Variants in BCAS3 observed in about 807,000 individuals in gnomAD.
BCAS3 encodes BCAS3 microtubule associated cell migration factor, also known as BCAS4/BCAS3 fusion.
A neutral mutation model predicts 116.1 loss-of-function variants in BCAS3; 53 were observed. That is an observed-to-expected ratio of 0.46 (90% confidence interval 0.37 to 0.57). BCAS3 has a LOEUF of 0.57. Among genes scored for constraint, BCAS3 ranks in the 20% least tolerant of loss-of-function variants. The pLI is 0.00. For synonymous variants in BCAS3, 391 were observed against 408.2 expected (o/e 0.96, Z 0.51); for missense variants, 917 against 1,165.4 (o/e 0.79, Z 3.10).
At chr17:60,848,823 T>G (rs7217510) in intron 7 of BCAS3, among the ~76,000 whole-genome samples, 1 of 150,882 alleles carries the variant, frequency 6.6e-6, no homozygotes, top group East Asian at 1.9e-4. Context: ...TTCAGCCCCC[T>G]GAAGTAGCTG....
At chr17:60,757,214 G>T (rs1355309980) in intron 6 of BCAS3, among the ~76,000 whole-genome samples, 1 of 151,688 alleles carries the variant, frequency 6.6e-6, no homozygotes, top group Non-Finnish European at 1.5e-5. Context: ...CACTTGGGGG[G>T]CTGAGGCAGG....
chr17:60,827,626 G>C (rs1026209724), intron 7 of BCAS3, among the ~76,000 whole-genome samples: 4 of 152,190 alleles, frequency 2.6e-5, no homozygotes, highest in Non-Finnish European at 5.9e-5. Flanking sequence ...TGTACAGTTT[G>C]ATAAATTTTG....
chr17:60,733,297 A>G (rs1209675972), intron 5 of BCAS3, among the ~76,000 whole-genome samples: 1 of 152,174 alleles, frequency 6.6e-6, no homozygotes, highest in Non-Finnish European at 1.5e-5. Flanking sequence ...TTTGTAACAG[A>G]TGATCTGGTG....
At position 61,368,431 on chromosome 17, in the gene BCAS3, C is replaced by A. The variant is rs757111288; in HGVS notation, c.2530C>A (p.Arg844=). Residue 844 remains arginine, a synonymous_variant, in exon 23 of 24, where the codon CGG becomes AGG. Coordinates refer to ENST00000407086, the MANE Select transcript of BCAS3 (RefSeq NM_017679.5). The surrounding 1 kb of genome is among the most constrained non-coding windows in gnomAD (Gnocchi z 6.0). ...SSMEHTEEGL[R]ERLADAMAES... is the part of the protein sequence containing the mutation. ...CATGGAGCACACGGAGGAGGGCCTC[C>A]GGGAGCGACTTGCCGACGCCATGGC... The A allele has an allele frequency of 1.2e-6, 2 of 1,612,524 alleles. No homozygotes were observed. The highest frequency in any genetic ancestry group is 1.1e-5 in the South Asian group (1 of 91,040).
At chr17:60,788,236 CAG>C (rs1234043755) in intron 6 of BCAS3, among the ~76,000 whole-genome samples, 1 of 152,070 alleles carries the variant, frequency 6.6e-6, no homozygotes, top group African/African-American at 2.4e-5. Context: ...GTAAGGGTAA[CAG>C]AAAAGAATTC....
chr17:60,728,446 A>G (rs570155940), intron 5 of BCAS3, among the ~76,000 whole-genome samples: 11 of 152,110 alleles, frequency 7.2e-5, no homozygotes, highest in South Asian at 4.2e-4. Context: ...GAATACCACA[A>G]TTTGTTTATG....
chr17:61,160,669 A>G (rs968709747), intron 22 of BCAS3, among the ~76,000 whole-genome samples: 4 of 152,160 alleles, frequency 2.6e-5, no homozygotes, highest in Non-Finnish European at 5.9e-5. Flanking sequence ...CTTTTTTACC[A>G]TCTATGCCTC....
intron 4 of BCAS3, among the ~76,000 whole-genome samples, chr17:60,704,837 C>A (rs1296706481): frequency 7.0e-6 from 1 of 142,382 alleles, no homozygotes; most frequent in African/African-American, 2.6e-5. Flanking sequence ...GACTCAGTCT[C>A]AAAAAAAAAA....
chr17:60,823,025 A>G (rs1219230965), intron 7 of BCAS3, among the ~76,000 whole-genome samples: 3 of 152,112 alleles, frequency 2.0e-5, no homozygotes, highest in Non-Finnish European at 4.4e-5. Flanking sequence ...AACCCATCTA[A>G]TTCACAAAAT....
At position 61,081,695 on chromosome 17, in the gene BCAS3, C is replaced by T. The variant is rs148142690; in HGVS notation, c.2328-2772C>T. 6.6e-3 allele frequency among the ~76,000 whole-genome samples: 998 copies of T among 152,252 alleles called. 5 individuals are homozygous for T. The highest frequency in any genetic ancestry group is 9.2e-3 in the Non-Finnish European group (624 of 68,010). ...TTTTATGGGAAATATAGATTTTATTCACATCAATTTTAAGTCCTTTTTAGT... is the reference window on the plus strand; with the variant it reads ...TTTTATGGGAAATATAGATTTTATTTACATCAATTTTAAGTCCTTTTTAGT... On this transcript the variant is annotated intron_variant, in intron 21 of 23. Transcript: ENST00000407086.
intron 22 of BCAS3, among the ~76,000 whole-genome samples, chr17:61,107,278 G>A (rs561827595): frequency 1.3e-5 from 2 of 151,664 alleles, no homozygotes; most frequent in Non-Finnish European, 2.9e-5. Flanking sequence ...GTAGAGATGG[G>A]GTTTCACCAT....
intron 13 of BCAS3, among the ~76,000 whole-genome samples, chr17:60,928,389 A>T (rs1168750091): frequency 6.6e-6 from 1 of 152,248 alleles, no homozygotes; most frequent in Non-Finnish European, 1.5e-5. Context: ...CATTTGAAAT[A>T]GATTGTGAAC....
intron 5 of BCAS3, among the ~76,000 whole-genome samples, chr17:60,739,666 T>G (rs1362802816): frequency 1.3e-5 from 2 of 152,178 alleles, no homozygotes; most frequent in Non-Finnish European, 1.5e-5. Flanking sequence ...CTTCACTTAT[T>G]CTTCTCTGTT....
rs910849477 is a variant in BCAS3 at position 61,181,848 on chromosome 17, A to G, written c.2425+97284A>G. Among the ~76,000 whole-genome samples the G allele has an allele frequency of 6.7e-6, 1 of 149,196 alleles. No homozygotes were observed. Among genetic ancestry groups the G allele is most frequent in the Non-Finnish European group, 1.5e-5 (1 of 67,538 alleles). ...TTTAGTTGCTTAATATTTTATTTCT[A>G]ATACCAAAAGTCTTGCTTTTTCCTT... On this transcript the variant is annotated intron_variant, in intron 22 of 23. Coordinates refer to ENST00000407086, the MANE Select transcript of BCAS3 (RefSeq NM_017679.5). This position sits in a 1 kb window ranked among gnomAD's most constrained non-coding sequence, Gnocchi z 5.0.
intron 22 of BCAS3, among the ~76,000 whole-genome samples, chr17:61,172,421 C>G (rs915690359): frequency 7.9e-5 from 12 of 151,602 alleles, no homozygotes; most frequent in African/African-American, 2.7e-4. Flanking sequence ...ATCACGAGGT[C>G]CAGAGATCGA....
At chr17:60,904,219 C>A (rs560267554) in intron 11 of BCAS3, among the ~76,000 whole-genome samples, 155 of 151,742 alleles carry the variant, frequency 1.0e-3, no homozygotes, top group African/African-American at 3.7e-3. Flanking sequence ...GCCTGGCCAA[C>A]ATAGTGAAAC....
At position 61,041,587 on chromosome 17, in the gene BCAS3, G is replaced by T. The variant is rs1568196681; in HGVS notation, c.2029+695G>T. 6.6e-6 allele frequency among the ~76,000 whole-genome samples: 1 copy of T among 151,990 alleles called. No homozygotes were observed. Among genetic ancestry groups the T allele is most frequent in the African/African-American group, 2.4e-5 (1 of 41,418 alleles). On this transcript the variant is annotated intron_variant, in intron 19 of 23. Coordinates refer to ENST00000407086, the MANE Select transcript of BCAS3 (RefSeq NM_017679.5). This position sits in a 1 kb window ranked among gnomAD's most constrained non-coding sequence, Gnocchi z 4.7. ...AATTTGATGGCTCTGAGTAGTGCAC[G>T]CTTTAAAGAAAATTCTTAAAAATCA...
At chr17:61,202,609 T>C (rs1327624329) in intron 22 of BCAS3, among the ~76,000 whole-genome samples, 2 of 152,190 alleles carry the variant, frequency 1.3e-5, no homozygotes, top group Non-Finnish European at 2.9e-5. Context: ...TTGGTTAGAA[T>C]ATGATGCCTT....
intron 5 of BCAS3, among the ~76,000 whole-genome samples, chr17:60,728,008 C>T (rs1267811369): frequency 6.6e-6 from 1 of 151,882 alleles, no homozygotes; most frequent in African/African-American, 2.4e-5. Flanking sequence ...GGGGTTTCGC[C>T]ATGTTACCCA....
Sources: gnomAD v4.1 joint callset for allele counts (sites outside exome capture counted in the v4.1 genomes callset) on GRCh38, gnomAD v4.1.1 for gene constraint, Gnocchi (gnomAD v3.1) non-coding constraint, MANE v1.5 for transcripts, NCBI Gene and HGNC (gene_info 2026-07-23, HGNC 2026-07-21) for gene names.